The following PEX5L variants were observed in gnomAD, a reference collection of about 807,000 sequenced individuals.
The protein encoded by PEX5L is PEX5-related protein.
PEX5L carries 30 observed loss-of-function variants against 84.0 expected under a neutral mutation model. The ratio of observed to expected loss-of-function variants is 0.36; its 90% CI spans 0.27 to 0.48. The LOEUF (loss-of-function observed/expected upper bound fraction) is 0.48, where lower values mean the gene tolerates loss of function less well. PEX5L is among the 20% of genes least tolerant of loss of function. The probability of loss-of-function intolerance (pLI) is 0.99; values close to 1 mark genes in which losing one functional copy is unlikely to be tolerated. For missense variants in PEX5L, 533 were observed against 754.6 expected (o/e 0.71, Z 3.44); for synonymous variants, 270 against 283.1 (o/e 0.95, Z 0.46).
chr3:179,891,964 A>C (rs887296085), intron 3 of PEX5L, among the ~76,000 whole-genome samples: 11 of 152,166 alleles, frequency 7.2e-5, no homozygotes, highest in Admixed American at 1.3e-4. Flanking sequence ...TAGTAGGATA[A>C]GGTTTCTTGA....
chr3:179,928,651 T>C (rs1314831120), intron 2 of PEX5L, among the ~76,000 whole-genome samples: 2 of 152,178 alleles, frequency 1.3e-5, no homozygotes, highest in Admixed American at 6.5e-5. Context: ...AACCATCACC[T>C]ACCACCGGAA....
At chr3:180,010,992 G>C in intron 1 of PEX5L, among the ~76,000 whole-genome samples, 1 of 152,108 alleles carries the variant, frequency 6.6e-6, no homozygotes, top group Non-Finnish European at 1.5e-5. Context: ...TTCAAATACA[G>C]GGTCTTCCAC....
At chr3:179,858,736 C>A (rs1011097151) in intron 8 of PEX5L, among the ~76,000 whole-genome samples, 27 of 152,192 alleles carry the variant, frequency 1.8e-4, no homozygotes, top group Non-Finnish European at 2.2e-4. Context: ...CCTAGCAAAT[C>A]CATAGCATTG....
intron 7 of PEX5L, among the ~76,000 whole-genome samples, chr3:179,863,394 A>C (rs1746932286): frequency 6.6e-6 from 1 of 152,290 alleles, no homozygotes; most frequent in African/African-American, 2.4e-5. Flanking sequence ...CAAGACGACA[A>C]AGAAACAACC....
intron 2 of PEX5L, among the ~76,000 whole-genome samples, chr3:179,966,015 G>C (rs1425421520): frequency 6.6e-6 from 1 of 152,110 alleles, no homozygotes; most frequent in Admixed American, 6.6e-5. Context: ...GTGAATCTTT[G>C]TTTACTCCAA....
At chr3:180,017,451 C>T in intron 1 of PEX5L, among the ~76,000 whole-genome samples, 1 of 152,074 alleles carries the variant, frequency 6.6e-6, no homozygotes, top group East Asian at 1.9e-4. Flanking sequence ...GAAAAGTTGC[C>T]ATTTTTAATA....
At chr3:180,000,964 A>C (rs988953567) in intron 1 of PEX5L, among the ~76,000 whole-genome samples, 1 of 152,110 alleles carries the variant, frequency 6.6e-6, no homozygotes. Flanking sequence ...GATTGAATTG[A>C]AGGATGCAAA....
intron 1 of PEX5L, among the ~76,000 whole-genome samples, chr3:179,990,094 G>T (rs558049002): frequency 5.9e-5 from 9 of 152,310 alleles, no homozygotes; most frequent in African/African-American, 2.2e-4. Flanking sequence ...GCCATGGCCA[G>T]TCAGTACCAT....
At chr3:179,989,012 G>A (rs1787133490) in intron 1 of PEX5L, among the ~76,000 whole-genome samples, 1 of 152,192 alleles carries the variant, frequency 6.6e-6, no homozygotes, top group African/African-American at 2.4e-5. Context: ...ATGGGGGATG[G>A]ACTTGGAATG....
chr3:179,957,713 T>C (rs992448497), intron 2 of PEX5L, among the ~76,000 whole-genome samples: 6 of 152,186 alleles, frequency 3.9e-5, no homozygotes, highest in African/African-American at 1.4e-4. Context: ...ATTTTTCAAA[T>C]GTGGTGGGTA....
intron 2 of PEX5L, among the ~76,000 whole-genome samples, chr3:179,970,455 T>C (rs1017721298): frequency 6.6e-6 from 1 of 152,104 alleles, no homozygotes; most frequent in Admixed American, 6.6e-5. Context: ...TCCCCTACCC[T>C]GTTTTACCCA....
chr3:179,892,454 TTAGAG>T (rs1243559131), intron 3 of PEX5L, among the ~76,000 whole-genome samples: 4 of 152,136 alleles, frequency 2.6e-5, no homozygotes, highest in Non-Finnish European at 5.9e-5. Flanking sequence ...GTGACTTCCT[TTAGAG>T]TAGAGATCTC....
intron 2 of PEX5L, among the ~76,000 whole-genome samples, chr3:179,941,824 C>A (rs1485993173): frequency 6.6e-6 from 1 of 151,868 alleles, no homozygotes; most frequent in East Asian, 1.9e-4. Flanking sequence ...AGTTCGAGAC[C>A]AGCCTGGCCA....
intron 7 of PEX5L, 144 bp from the exon 8 acceptor site, chr3:179,859,301 G>C (rs950087244): frequency 1.6e-6 from 1 of 641,802 alleles, no homozygotes; most frequent in Non-Finnish European, 2.7e-6. Flanking sequence ...GTACTGTGCT[G>C]GTATGATGTT....
rs555459510 is a variant in PEX5L at position 179,918,202 on chromosome 3, C to G, written c.94-19956G>C. Among the ~76,000 whole-genome samples, 385 of 152,216 alleles carry G rather than the reference C, an allele frequency of 2.5e-3. 9 individuals are homozygous for G. Among genetic ancestry groups the G allele is most frequent in the Non-Finnish European group, 4.3e-4 (29 of 68,010 alleles). On this transcript the variant is annotated intron_variant, in intron 2 of 14. Coordinates refer to ENST00000467460, the MANE Select transcript of PEX5L (RefSeq NM_016559.3). ...GAAGCCAAGTTTGTGCATTCTTGGG[C>G]CCATGTTGTCAGCCATGACCCTCTA...
intron 1 of PEX5L, among the ~76,000 whole-genome samples, chr3:179,997,401 C>A (rs1787985761): frequency 1.3e-5 from 2 of 152,282 alleles, no homozygotes; most frequent in South Asian, 4.1e-4. Context: ...TGCCAGAATG[C>A]ATAATTGGCA....
At chr3:179,986,514 T>C (rs947029959) in intron 1 of PEX5L, among the ~76,000 whole-genome samples, 1 of 151,192 alleles carries the variant, frequency 6.6e-6, no homozygotes, top group Non-Finnish European at 1.5e-5. Context: ...GCCATTCTCC[T>C]GCCTCAGCCT....
At chr3:180,025,009 T>G (rs1469450514) in intron 1 of PEX5L, among the ~76,000 whole-genome samples, 1 of 152,226 alleles carries the variant, frequency 6.6e-6, no homozygotes, top group Non-Finnish European at 1.5e-5. Context: ...TTTCTAAGTC[T>G]GCAGTCCTAA....
intron 8 of PEX5L, among the ~76,000 whole-genome samples, chr3:179,832,814 A>G (rs1733643075): frequency 7.3e-6 from 1 of 136,166 alleles, no homozygotes; most frequent in Non-Finnish European, 1.6e-5. Flanking sequence ...CCACAAACCT[A>G]CTTACTTACT....
Sources: gnomAD v4.1 joint callset for allele counts (sites outside exome capture counted in the v4.1 genomes callset) on GRCh38, gnomAD v4.1.1 for gene constraint, MANE v1.5 for transcripts, NCBI Gene and HGNC (gene_info 2026-07-23, HGNC 2026-07-21) for gene names.